ZBTB49: variants seen among roughly 807,000 people sequenced by gnomAD.
ZBTB49 encodes zinc finger and BTB domain containing 49, also known as zinc finger and BTB domain-containing protein 49.
ZBTB49 carries 43 observed loss-of-function variants against 57.5 expected under a neutral mutation model. That is an observed-to-expected ratio of 0.75 (90% CI 0.59 to 0.97). ZBTB49 has a LOEUF of 0.97. Among genes scored for constraint, ZBTB49 ranks in the 50% least tolerant of loss-of-function variants. The pLI is 0.00. For missense variants in ZBTB49, 938 were observed against 947.7 expected (o/e 0.99, Z 0.13); for synonymous variants, 369 against 362.1 (o/e 1.02, Z -0.22).
intron 5 of ZBTB49, among the ~76,000 whole-genome samples, chr4:4,313,563 C>A (rs1041416180): frequency 6.6e-6 from 1 of 152,086 alleles, no homozygotes; most frequent in African/African-American, 2.4e-5. Context: ...GAGAGCTCCA[C>A]CCCAGGGAGG....
chr4:4,297,213 G>A (rs1720247446), intron 1 of ZBTB49, among the ~76,000 whole-genome samples: 1 of 152,154 alleles, frequency 6.6e-6, no homozygotes, highest in Non-Finnish European at 1.5e-5. Context: ...TGGGATTATA[G>A]GCACTCGCCA....
chr4:4,298,449 C>G (rs1720319181), intron 1 of ZBTB49, among the ~76,000 whole-genome samples: 1 of 110,072 alleles, frequency 9.1e-6, no homozygotes, highest in Non-Finnish European at 2.1e-5. Context: ...GAGATGGGGT[C>G]TCTCTCTGTC....
chr4:4,299,776 G>GTT (rs1553803868), intron 1 of ZBTB49, among the ~76,000 whole-genome samples, 151 bp from the exon 2 acceptor site: 7,907 of 103,680 alleles, frequency 0.076, 586 homozygotes, highest in African/African-American at 0.18. Context: ...CAGAAACAGA[G>GTT]GTGTGTGTGT....
intron 1 of ZBTB49, among the ~76,000 whole-genome samples, chr4:4,299,099 A>G (rs927106711): frequency 1.3e-5 from 2 of 152,188 alleles, no homozygotes; most frequent in Non-Finnish European, 2.9e-5. Context: ...GTTCATAACA[A>G]GTCCCGCAGG....
At chr4:4,297,538 A>C (rs529515746) in intron 1 of ZBTB49, among the ~76,000 whole-genome samples, 82 of 152,290 alleles carry the variant, frequency 5.4e-4, no homozygotes, top group African/African-American at 1.9e-3. Context: ...TAATCCCAGC[A>C]CTTTGGGAGG....
At chr4:4,307,897 A>G (rs1720807634) in intron 4 of ZBTB49, among the ~76,000 whole-genome samples, 1 of 152,196 alleles carries the variant, frequency 6.6e-6, no homozygotes, top group Non-Finnish European at 1.5e-5. Flanking sequence ...TGTTGAGAGT[A>G]GAAGTTCCAT....
At position 4,315,966 on chromosome 4, in the gene ZBTB49, C is replaced by T. The variant is rs1320695470; in HGVS notation, c.1617C>T (p.Ala539=). 1 of 1,613,754 alleles carries T rather than the reference C, an allele frequency of 6.2e-7. No individual in the cohort carries two copies. ...GGGAGCGGCCTTACAGCTGCTCTGC[C>T]TGCGGTGAGTTTGGGTTTCTGGCTG... ...HTGERPYSCS[A]CGKCFGGSGD... is the part of the protein sequence containing the mutation. Residue 539 remains alanine, a synonymous_variant, in exon 7 of 8, where the codon GCC becomes GCT. Coordinates refer to ENST00000337872, the MANE Select transcript of ZBTB49 (RefSeq NM_145291.4).
At chr4:4,297,979 C>G (rs939112951) in intron 1 of ZBTB49, among the ~76,000 whole-genome samples, 2 of 152,224 alleles carry the variant, frequency 1.3e-5, no homozygotes, top group African/African-American at 2.4e-5. Context: ...CCCCTGTAGA[C>G]TGACAGAACA....
Position 4,321,066 on chromosome 4 carries a change from A to T in ZBTB49, c.2048A>T (p.Gln683Leu), listed in dbSNP as rs1171795888. 1.2e-6 allele frequency: 2 copies of T among 1,614,186 alleles called. No homozygotes were observed. The highest frequency in any genetic ancestry group is 1.7e-6 in the Non-Finnish European group (2 of 1,180,028). Reference sequence around the variant, plus strand: ...GGTAAACTTGCCAAGCCCCAGATGCAGCAGACACAGCCTCAGGCCTATGCT... The same window carrying T: ...GGTAAACTTGCCAAGCCCCAGATGCTGCAGACACAGCCTCAGGCCTATGCT... Reference protein sequence around the residue: ...DPGKLAKPQMQQTQPQAYAYS... With the variant: ...DPGKLAKPQMLQTQPQAYAYS... Residue 683 changes from glutamine (Q) to leucine (L), a missense_variant, in exon 8 of 8, where the codon CAG (glutamine) becomes CTG (leucine). This residue lies in a region of ZBTB49 where 835 missense variants were observed against 819.1 expected (regional missense o/e 1.02). Transcript: ENST00000337872.
chr4:4,306,165 G>A lies in ZBTB49; in HGVS notation c.1283G>A (p.Cys428Tyr). The A allele has an allele frequency of 6.2e-7, 1 of 1,613,022 alleles. No individual in the cohort carries two copies. Among genetic ancestry groups the A allele is most frequent in the Non-Finnish European group, 8.5e-7 (1 of 1,179,608 alleles). Reference sequence around the variant, plus strand: ...GAGAAACCTTTTGAATGTAACATTTGTGGGAAACATTTCTCTCAGGTGGGA... The same window carrying A: ...GAGAAACCTTTTGAATGTAACATTTATGGGAAACATTTCTCTCAGGTGGGA... ...TGEKPFECNI[C>Y]GKHFSQAGNL... Residue 428 changes from cysteine (C) to tyrosine (Y), a missense_variant, in exon 4 of 8, where the codon TGT becomes TAT. Around this residue, in one of 3 missense-constraint regions of ZBTB49, gnomAD observed 835 missense variants for 819.1 expected, o/e 1.02. Coordinates refer to ENST00000337872, the MANE Select transcript of ZBTB49 (RefSeq NM_145291.4).
intron 1 of ZBTB49, 147 bp from the exon 2 acceptor site, chr4:4,299,779 GT>G: frequency 1.1e-5 from 2 of 174,222 alleles, no homozygotes; most frequent in Non-Finnish European, 2.5e-5. Context: ...AAACAGAGGT[GT>G]GTGTGTGTGT....
At chr4:4,311,924 G>A (rs1055609294) in intron 4 of ZBTB49, among the ~76,000 whole-genome samples, 1 of 76,350 alleles carries the variant, frequency 1.3e-5, no homozygotes, top group Non-Finnish European at 3.5e-5. Flanking sequence ...TATATAGTCC[G>A]CAGATGGCAT....
intron 1 of ZBTB49, among the ~76,000 whole-genome samples, chr4:4,293,333 A>G (rs1053066536): frequency 1.3e-5 from 2 of 152,192 alleles, no homozygotes; most frequent in African/African-American, 4.8e-5. Context: ...TTAGTCCTGA[A>G]TTGTGCAGTT....
intron 4 of ZBTB49, among the ~76,000 whole-genome samples, chr4:4,310,298 A>C (rs1720927632): frequency 6.6e-6 from 1 of 152,212 alleles, no homozygotes; most frequent in Admixed American, 6.5e-5. Context: ...GTCACTAGGC[A>C]AACCTGAATT....
chr4:4,297,719 G>A (rs995172431), intron 1 of ZBTB49, among the ~76,000 whole-genome samples: 3 of 150,820 alleles, frequency 2.0e-5, no homozygotes, highest in African/African-American at 4.9e-5. Flanking sequence ...GACTGCAGTG[G>A]GCTCTAATCA....
chr4:4,292,302 C>T (rs1390066582), intron 1 of ZBTB49, among the ~76,000 whole-genome samples: 2 of 152,070 alleles, frequency 1.3e-5, no homozygotes, highest in African/African-American at 4.8e-5. Context: ...AAAAATAACT[C>T]TGGTACAGTG....
At chr4:4,307,028 G>C (rs2108885934) in intron 4 of ZBTB49, among the ~76,000 whole-genome samples, 1 of 152,364 alleles carries the variant, frequency 6.6e-6, no homozygotes. Context: ...CCCTAGAGCA[G>C]ACTCTTCCAG....
intron 4 of ZBTB49, among the ~76,000 whole-genome samples, 160 bp from the exon 5 acceptor site, chr4:4,312,881 G>A (rs921287121): frequency 1.3e-5 from 2 of 152,170 alleles, no homozygotes; most frequent in African/African-American, 4.8e-5. Context: ...TGCTCTTCAC[G>A]CTCTTGCCCA....
intron 7 of ZBTB49, among the ~76,000 whole-genome samples, chr4:4,318,753 A>G (rs1260105133): frequency 6.6e-6 from 1 of 152,256 alleles, no homozygotes; most frequent in African/African-American, 2.4e-5. Flanking sequence ...AGGACAACAC[A>G]GAAACTAAAT....
Sources: gnomAD v4.1 joint callset for allele counts (sites outside exome capture counted in the v4.1 genomes callset) on GRCh38, gnomAD v4.1.1 for gene constraint, gnomAD v4.1.1 regional missense constraint, MANE v1.5 for transcripts, NCBI Gene and HGNC (gene_info 2026-07-23, HGNC 2026-07-21) for gene names.